The following TRIM68 variants were observed in gnomAD, a reference collection of about 807,000 sequenced individuals.
TRIM68 encodes tripartite motif containing 68, also known as E3 ubiquitin-protein ligase TRIM68.
A neutral mutation model predicts 41.9 loss-of-function variants in TRIM68; 36 were observed. The observed-to-expected ratio is 0.86, with a 90% CI of 0.66 to 1.14. The LOEUF (loss-of-function observed/expected upper bound fraction) is 1.14, where lower values mean the gene tolerates loss of function less well. TRIM68 is among the 50% of genes most tolerant of loss of function. The pLI is 0.00. For synonymous variants in TRIM68, 225 were observed against 224.6 expected (o/e 1.00, Z -0.02); for missense variants, 632 against 605.1 (o/e 1.04, Z -0.47).
rs1383348732 is a variant in TRIM68 at position 4,600,424 on chromosome 11, T to C, written c.1310A>G (p.Tyr437Cys). Residue 437 changes from tyrosine to cysteine, a missense_variant, in exon 7 of 7, where the codon TAC becomes TGC. Coordinates refer to ENST00000300747, the MANE Select transcript of TRIM68 (RefSeq NM_018073.8). Reference protein sequence around the residue: ...VDYEAHDISFYNVTDCGSHIF... With the variant: ...VDYEAHDISFCNVTDCGSHIF... The stretch of plus-strand genomic sequence containing the variant: ...GTGGGAGCCACAGTCAGTCACATTG[T>C]AGAAAGAAATGTCATGGGCCTCATA... 2.5e-6 allele frequency: 4 copies of C among 1,613,856 alleles called. No individual in the cohort carries two copies. The highest frequency in any genetic ancestry group is 1.3e-5 in the African/African-American group (1 of 74,890).
Position 4,600,190 on chromosome 11 carries a change from G to T in TRIM68, c.*86C>A. ...GGATACTGGGCTCAGCTCAGTTTCA[G>T]GGGATACCTGTCAGTGGCTCGGTCC... On this transcript the variant is annotated 3_prime_UTR_variant, in exon 7 of 7. Coordinates refer to ENST00000300747, the MANE Select transcript of TRIM68 (RefSeq NM_018073.8). 1 of 1,362,826 alleles carries T rather than the reference G, an allele frequency of 7.3e-7. No individual in the cohort carries two copies. The allele number at this position is 1,362,826 out of a possible 1,614,324, so 84.4% of individuals were successfully genotyped here.
intron 4 of TRIM68, 148 bp from the exon 5 acceptor site, chr11:4,601,834 G>C (rs1846494094): frequency 1.0e-6 from 1 of 964,114 alleles, no homozygotes; most frequent in African/African-American, 1.6e-5. Flanking sequence ...GAAGCCTATG[G>C]AAGGATGGAA....
At chr11:4,600,975 C>T in intron 6 of TRIM68, 52 bp downstream of exon 6, 1 of 1,579,350 alleles carries the variant, frequency 6.3e-7, no homozygotes, top group South Asian at 1.1e-5. Flanking sequence ...TTTTCTATCT[C>T]TGGGAGGGGT....
At chr11:4,604,517 C>G in intron 2 of TRIM68, among the ~76,000 whole-genome samples, 1 of 152,212 alleles carries the variant, frequency 6.6e-6, no homozygotes, top group South Asian at 2.1e-4. Flanking sequence ...CTAACTGGAC[C>G]TGAAGTCAGA....
chr11:4,604,966 AG>A, intron 2 of TRIM68, 112 bp downstream of exon 2: 1 of 1,177,984 alleles, frequency 8.5e-7, no homozygotes, highest in Non-Finnish European at 1.2e-6. Flanking sequence ...TCTGGGTGTC[AG>A]GAACCAAAGG....
intron 4 of TRIM68, 158 bp downstream of exon 4, chr11:4,601,994 G>A (rs1846496734): frequency 3.6e-6 from 4 of 1,106,902 alleles, no homozygotes; most frequent in Non-Finnish European, 5.2e-6. Context: ...ACCAGCCAGG[G>A]ATAGGGAAAC....
chr11:4,605,085 C>T lies in TRIM68; in HGVS notation c.420G>A (p.Glu140=). ...SVVPMEDVAW[E]YKWELHEALE... The stretch of plus-strand genomic sequence containing the variant: ...GCCAGCTTCCATCTCTCACCTTGTA[C>T]TCCCAGGCAACATCCTCCATTGGCA... Residue 140 remains glutamate, a synonymous_variant, in exon 2 of 7, where the codon GAG becomes GAA. Coordinates refer to ENST00000300747, the MANE Select transcript of TRIM68 (RefSeq NM_018073.8). The T allele has an allele frequency of 6.2e-7, 1 of 1,613,476 alleles. No homozygotes were observed. Among genetic ancestry groups the T allele is most frequent in the East Asian group, 2.2e-5 (1 of 44,874 alleles).
intron 1 of TRIM68, among the ~76,000 whole-genome samples, chr11:4,607,265 G>T (rs1332321156): frequency 6.6e-6 from 1 of 152,190 alleles, no homozygotes; most frequent in Non-Finnish European, 1.5e-5. Context: ...TGTGGATAGG[G>T]TCATTGTCTG....
chr11:4,601,273 C>T, intron 5 of TRIM68, 146 bp from the exon 6 acceptor site: 1 of 684,526 alleles, frequency 1.5e-6, no homozygotes, highest in Admixed American at 2.3e-5. Flanking sequence ...TTGGCTGAGC[C>T]TCAAGCTGTT....
At chr11:4,604,023 T>G (rs2133200309) in intron 2 of TRIM68, among the ~76,000 whole-genome samples, 1 of 152,342 alleles carries the variant, frequency 6.6e-6, no homozygotes, top group African/African-American at 2.4e-5. Context: ...AACCTTATTT[T>G]ATAGACAAGA....
chr11:4,600,180 C>T lies in TRIM68; in HGVS notation c.*96G>A. ...AGGAATCCTTGGATACTGGGCTCAG[C>T]TCAGTTTCAGGGGATACCTGTCAGT... On this transcript the variant is annotated 3_prime_UTR_variant, in exon 7 of 7. Transcript: ENST00000300747. 7.8e-7 allele frequency: 1 copy of T among 1,276,856 alleles called. No homozygotes were observed. Among genetic ancestry groups the T allele is most frequent in the Non-Finnish European group, 1.1e-6 (1 of 930,648 alleles). The allele number at this position is 1,276,856 out of a possible 1,614,324, so 79.1% of individuals were successfully genotyped here.
At position 4,605,338 on chromosome 11, in the gene TRIM68, G is replaced by A. The variant is rs1295045637; in HGVS notation, c.167C>T (p.Thr56Ile). 1.2e-6 allele frequency: 2 copies of A among 1,614,128 alleles called. No individual in the cohort carries two copies. The highest frequency in any genetic ancestry group is 1.7e-6 in the Non-Finnish European group (2 of 1,180,054). ...GACAGGAGCTCGACAGAGGGGACAG[G>A]TGTAACCCCAGTTCTGGGATTCTCC... is the stretch of plus-strand genomic sequence containing the variant. ...IPGESQNWGY[T>I]CPLCRAPVQP... The change falls in exon 2 of 7, where the codon ACC (threonine) becomes ATC (isoleucine). Residue 56 changes from threonine (T) to isoleucine (I), a missense_variant. Thr to Ile is a moderately conservative substitution (Grantham distance 89, BLOSUM62 -1). Transcript: ENST00000300747.
chr11:4,601,345 A>C, intron 5 of TRIM68: 1 of 596,744 alleles, frequency 1.7e-6, no homozygotes, highest in Admixed American at 2.9e-5. Context: ...TGTATATTTG[A>C]TTCTGGGAGA....
chr11:4,600,041 C>A lies in TRIM68; in HGVS notation c.*235G>T. 2.1e-6 allele frequency: 1 copy of A among 472,820 alleles called. No homozygotes were observed. The allele number at this position is 472,820 out of a possible 1,614,324, so 29.3% of individuals were successfully genotyped here. Reference sequence around the variant, plus strand: ...ACTGCTCTGATCCTCACCATCAGCCCTGTCGTGCTTCCCTCATGGGATGCA... The same window carrying A: ...ACTGCTCTGATCCTCACCATCAGCCATGTCGTGCTTCCCTCATGGGATGCA... On this transcript the variant is annotated 3_prime_UTR_variant, in exon 7 of 7. Transcript: ENST00000300747.
rs1449081065 is a variant in TRIM68, at chr11:4,605,148, G to A, written c.357C>T (p.Ala119=). ...CKEDVLIMCE[A]CSQSPEHEAH... Reference sequence around the variant, plus strand: ...CCTCATGCTCTGGGGACTGGCTGCAGGCCTCACACATTATCAAGACATCCT... The same window carrying A: ...CCTCATGCTCTGGGGACTGGCTGCAAGCCTCACACATTATCAAGACATCCT... Residue 119 remains alanine, a synonymous_variant, in exon 2 of 7, where the codon GCC becomes GCT. Coordinates refer to ENST00000300747, the MANE Select transcript of TRIM68 (RefSeq NM_018073.8). 6.2e-7 allele frequency: 1 copy of A among 1,614,228 alleles called. No homozygotes were observed. Among genetic ancestry groups the A allele is most frequent in the Admixed American group, 1.7e-5 (1 of 60,030 alleles).
Position 4,600,657 on chromosome 11 carries a change from G to C in TRIM68, c.1077C>G (p.Tyr359Ter), listed in dbSNP as rs769783099. 1.1e-5 allele frequency: 17 copies of C among 1,614,036 alleles called. No homozygotes were observed. The Admixed American group carries it at 2.5e-4, about 24-fold the overall frequency. Reference protein sequence around the residue: ...GSQCISSGRHYWEVEVGDRSE... With the variant: ...GSQCISSGRH ...ACCTGTCTCCCACCTCCACCTCCCAGTAGTGCCGGCCTGAGGAGATGCACT... is the reference window on the plus strand; with the variant it reads ...ACCTGTCTCCCACCTCCACCTCCCACTAGTGCCGGCCTGAGGAGATGCACT... Residue 359 changes from tyrosine to a stop codon, truncating the protein, a stop_gained, in exon 7 of 7, where the codon TAC becomes TAG. Coordinates refer to ENST00000300747, the MANE Select transcript of TRIM68 (RefSeq NM_018073.8). LOFTEE classifies it low-confidence loss of function (END_TRUNC).
chr11:4,607,133 A>G (rs1324112282), intron 1 of TRIM68, among the ~76,000 whole-genome samples: 2 of 152,184 alleles, frequency 1.3e-5, no homozygotes, highest in Non-Finnish European at 2.9e-5. Flanking sequence ...CGTCCATTCA[A>G]TCTACCTGAC....
chr11:4,606,387 C>CT (rs1846568128), intron 1 of TRIM68, among the ~76,000 whole-genome samples: 1 of 152,220 alleles, frequency 6.6e-6, no homozygotes. Flanking sequence ...AATATTTATT[C>CT]ATTCACTTTG....
In TRIM68 at chr11:4,600,765, T is replaced by C; in HGVS notation, c.969A>G (p.Lys323=). 1 of 1,614,078 alleles carries C rather than the reference T, an allele frequency of 6.2e-7. No individual in the cohort carries two copies. Among genetic ancestry groups the C allele is most frequent in the Non-Finnish European group, 8.5e-7 (1 of 1,180,032 alleles). The part of the protein sequence containing the change: ...YSRLIVSEDR[K]RVHYGDTNQK... ...GGTTGGTGTCTCCATAGTGCACACGTTTTCTGTCCTCAGACACGATGAGAC... is the reference window on the plus strand; with the variant it reads ...GGTTGGTGTCTCCATAGTGCACACGCTTTCTGTCCTCAGACACGATGAGAC... The change falls in exon 7 of 7, where the codon AAA becomes AAG. Residue 323 remains lysine (K), a synonymous_variant. Transcript: ENST00000300747.
Sources: allele counts gnomAD v4.1 joint callset (sites outside exome capture counted in the v4.1 genomes callset), GRCh38; gene constraint gnomAD v4.1.1; transcripts MANE v1.5; gene names NCBI Gene and HGNC (gene_info 2026-07-23, HGNC 2026-07-21).